ATG12: variants seen among roughly 807,000 people sequenced by gnomAD.
The protein encoded by ATG12 is autophagy related 12.
A neutral mutation model predicts 17.6 loss-of-function variants in ATG12; 19 were observed. That is an observed-to-expected ratio of 1.08 (90% CI 0.75 to 1.58). The LOEUF (loss-of-function observed/expected upper bound fraction) is 1.58. Ranked by LOEUF, ATG12 falls within the 40% of genes most tolerant of loss-of-function variation. The pLI, the probability that ATG12 is intolerant of heterozygous loss-of-function variation, is 0.00. For missense variants in ATG12, 214 were observed against 162.0 expected (o/e 1.32, Z -1.74); for synonymous variants, 75 against 62.4 (o/e 1.20, Z -0.95).
At chr5:115,841,169 A>T in intron 1 of ATG12, 6 of 508,372 alleles carry the variant, frequency 1.2e-5, no homozygotes, top group Middle Eastern at 6.1e-4. Context: ...TAAGTGTGGC[A>T]GCCAAGTATC....
intron 3 of ATG12, 31 bp downstream of exon 3, chr5:115,832,571 C>CTTTTTTTTTTTTTTTTTTTT: frequency 2.5e-6 from 2 of 800,616 alleles, no homozygotes; most frequent in South Asian, 2.6e-5. Flanking sequence ...TAATTTCTTT[C>CTTTTTTTTTTTTTTTTTTTT]TTTTTTTTTT....
chr5:115,831,562 C>T lies in ATG12; in HGVS notation c.*242G>A, dbSNP rs1397232795. The T allele has an allele frequency of 3.6e-6, 2 of 555,492 alleles. No homozygotes were observed. Among genetic ancestry groups the T allele is most frequent in the South Asian group, 2.3e-5 (1 of 43,584 alleles). 34.4% of individuals were successfully genotyped at this position (555,492 alleles called of 1,614,324 possible). Reference sequence around the variant, plus strand: ...GGCAGATCTGCAGCAATAATAGTAACAAGTAGGAGCAATGGGTGTACTATC... The same window carrying T: ...GGCAGATCTGCAGCAATAATAGTAATAAGTAGGAGCAATGGGTGTACTATC... On this transcript the variant is annotated 3_prime_UTR_variant, in exon 4 of 4. Coordinates refer to ENST00000509910, the MANE Select transcript of ATG12 (RefSeq NM_004707.4).
chr5:115,840,994 C>T (rs955327908), intron 1 of ATG12: 5 of 802,478 alleles, frequency 6.2e-6, no homozygotes, highest in South Asian at 1.4e-5. Context: ...CTAATCCAGG[C>T]TTTGCCAATG....
chr5:115,837,850 TTTAA>T (rs1761169963), intron 1 of ATG12, 86 bp from the exon 2 acceptor site: 4 of 1,121,388 alleles, frequency 3.6e-6, no homozygotes, highest in Non-Finnish European at 4.9e-6. Context: ...ATCAGAAATA[TTTAA>T]TCTACATCCA....
chr5:115,838,833 A>T (rs181731532), intron 1 of ATG12: 1 of 152,430 alleles, frequency 6.6e-6, no homozygotes, highest in East Asian at 1.9e-4. Context: ...TCACGCCAGT[A>T]ATCTCCACAC....
chr5:115,834,768 C>G (rs959825658), intron 2 of ATG12: 19 of 152,208 alleles, frequency 1.2e-4, no homozygotes, highest in African/African-American at 4.6e-4. Context: ...GCCTAACTTT[C>G]TAAGTCATGC....
At chr5:115,836,649 C>T (rs1440065837) in intron 2 of ATG12, among the ~76,000 whole-genome samples, 1 of 152,096 alleles carries the variant, frequency 6.6e-6, no homozygotes, top group African/African-American at 2.4e-5. Flanking sequence ...TCCCCCAGTG[C>T]CCCCAAAAAT....
intron 2 of ATG12, chr5:115,833,561 TAA>T (rs1760973420): frequency 6.6e-6 from 1 of 152,080 alleles, no homozygotes; most frequent in African/African-American, 2.4e-5. Flanking sequence ...TCTTTATTTG[TAA>T]GATATGGAAA....
At chr5:115,840,698 ACT>A (rs1580579882) in intron 1 of ATG12, 2 of 1,196,744 alleles carry the variant, frequency 1.7e-6, no homozygotes, top group African/African-American at 3.2e-5. Context: ...CCCATAGGCA[ACT>A]CTAACTCTAA....
intron 3 of ATG12, among the ~76,000 whole-genome samples, chr5:115,832,093 A>G (rs1760892213): frequency 6.6e-6 from 1 of 152,172 alleles, no homozygotes; most frequent in African/African-American, 2.4e-5. Context: ...GAGCTTATGT[A>G]TTTTAATCTT....
At position 115,839,842 on chromosome 5, in the gene ATG12, G is replaced by A. The variant is rs1184647490; in HGVS notation, c.163+1548C>T. Reference sequence around the variant, plus strand: ...CAAGGTAGGAATAGTTAGAAACTAAGTTTTATATTGGAGAGGCAAACTCAA... The same window carrying A: ...CAAGGTAGGAATAGTTAGAAACTAAATTTTATATTGGAGAGGCAAACTCAA... On this transcript the variant is annotated intron_variant, in intron 1 of 3. Coordinates refer to ENST00000509910, the MANE Select transcript of ATG12 (RefSeq NM_004707.4). 2.6e-5 allele frequency among the ~76,000 whole-genome samples: 4 copies of A among 152,180 alleles called. No homozygotes were observed. In the East Asian group the frequency reaches 7.7e-4, roughly 29 times the overall value.
At chr5:115,834,524 T>C (rs538896552) in intron 2 of ATG12, among the ~76,000 whole-genome samples, 7 of 152,344 alleles carry the variant, frequency 4.6e-5, no homozygotes, top group African/African-American at 1.4e-4. Flanking sequence ...TTTTATTAAT[T>C]ACTTTGCCTT....
chr5:115,833,580 G>A (rs893431977), intron 2 of ATG12: 1 of 151,988 alleles, frequency 6.6e-6, no homozygotes, highest in African/African-American at 2.4e-5. Flanking sequence ...GAAAATAATA[G>A]GACCTATACC....
At chr5:115,840,610 C>T in intron 1 of ATG12, 2 of 1,276,334 alleles carry the variant, frequency 1.6e-6, no homozygotes, top group Non-Finnish European at 2.0e-6. Context: ...AGACCACTGT[C>T]ATCTTAAGAC....
rs1471676669 is a variant in ATG12 at position 115,828,434 on chromosome 5, C to A, written c.*3370G>T. On this transcript the variant is annotated 3_prime_UTR_variant, in exon 4 of 4. Coordinates refer to ENST00000509910, the MANE Select transcript of ATG12 (RefSeq NM_004707.4). ...GCAAGATGTACATTATTTTTATTGTCAGTCAGCATTGTTTTTATTTGTATT... is the reference window on the plus strand; with the variant it reads ...GCAAGATGTACATTATTTTTATTGTAAGTCAGCATTGTTTTTATTTGTATT... The A allele has an allele frequency of 2.0e-5, 3 of 152,174 alleles. No individual in the cohort carries two copies. The allele number at this position is 152,174 out of a possible 1,614,324, so 9.4% of individuals were successfully genotyped here.
At chr5:115,832,405 G>A (rs549647885) in intron 3 of ATG12, among the ~76,000 whole-genome samples, 197 bp downstream of exon 3, 2 of 151,868 alleles carry the variant, frequency 1.3e-5, no homozygotes, top group Middle Eastern at 6.8e-3. Context: ...ATCTTTCTAT[G>A]ATCAAGATGT....
At chr5:115,835,684 C>G (rs908945920) in intron 2 of ATG12, among the ~76,000 whole-genome samples, 2 of 152,184 alleles carry the variant, frequency 1.3e-5, no homozygotes, top group African/African-American at 4.8e-5. Flanking sequence ...ACTCCTTAGT[C>G]AGCTTCTATT....
intron 2 of ATG12, among the ~76,000 whole-genome samples, chr5:115,836,361 A>C (rs1761098841): frequency 6.6e-6 from 1 of 152,172 alleles, no homozygotes; most frequent in Non-Finnish European, 1.5e-5. Flanking sequence ...TGTATTTCTA[A>C]ACTAATGCAT....
At chr5:115,832,319 C>T (rs1015775611) in intron 3 of ATG12, among the ~76,000 whole-genome samples, 2 of 152,066 alleles carry the variant, frequency 1.3e-5, no homozygotes, top group Non-Finnish European at 2.9e-5. Context: ...AAAAGCCTTA[C>T]TTTATGAGAA....
Sources: gnomAD v4.1 joint callset for allele counts (sites outside exome capture counted in the v4.1 genomes callset) on GRCh38, gnomAD v4.1.1 for gene constraint, MANE v1.5 for transcripts, NCBI Gene and HGNC (gene_info 2026-07-23, HGNC 2026-07-21) for gene names.